Variants in ADGRL1 observed in about 807,000 individuals in gnomAD.
ADGRL1 encodes the protein adhesion G protein-coupled receptor L1.
In ADGRL1, 31 loss-of-function variants were observed where a neutral mutation model predicts 148.9. That is an observed-to-expected ratio of 0.21 (90% confidence interval 0.16 to 0.28). The LOEUF is 0.28. ADGRL1 is among the 10% of genes least tolerant of loss of function. The pLI, the probability that ADGRL1 is intolerant of heterozygous loss-of-function variation, is 1.00. For missense variants in ADGRL1, 1,521 were observed against 2,058.8 expected, an observed-to-expected ratio of 0.74 and a Z score of 5.05; for synonymous variants, 937 against 900.3, an observed-to-expected ratio of 1.04 and a Z score of -0.73.
chr19:14,152,370 G>A lies in ADGRL1; in HGVS notation c.3588C>T (p.Asn1196=). The A allele has an allele frequency of 1.2e-6, 2 of 1,602,452 alleles. No homozygotes were observed. The highest frequency in any genetic ancestry group is 4.5e-5 in the East Asian group (2 of 44,684). ...AGCCCACTGACTCGGCGATGAGGGT[G>A]TTGTAGGGACTGGTGCCCCCACGGG... ...LQPRGGTSPY[N]TLIAESVGFN... The change falls in exon 21 of 23, where the codon AAC becomes AAT. Residue 1196 remains asparagine, a synonymous_variant. Coordinates refer to ENST00000361434, the MANE Select transcript of ADGRL1 (RefSeq NM_014921.5). This position sits in a 1 kb window ranked among gnomAD's most constrained non-coding sequence, Gnocchi z 6.1.
intron 3 of ADGRL1, 43 bp from the exon 4 acceptor site, chr19:14,170,834 G>A (rs1006585788): frequency 3.4e-6 from 3 of 892,450 alleles, no homozygotes; most frequent in African/African-American, 1.6e-5. Context: ...ACACATAGAC[G>A]GGGTGGCGGG....
At chr19:14,201,327 G>C (rs1045917953) in intron 1 of ADGRL1, among the ~76,000 whole-genome samples, 27 of 143,488 alleles carry the variant, frequency 1.9e-4, no homozygotes, top group African/African-American at 6.7e-4. Flanking sequence ...CGGGGTGGGG[G>C]GGGGCAAGGT....
rs369430136 is a variant in ADGRL1 at position 14,170,462 on chromosome 19, C to T, written c.394+220G>A. 105 of 483,272 alleles carry T rather than the reference C, an allele frequency of 2.2e-4. 1 individual carries two copies. Among genetic ancestry groups the T allele is most frequent in the African/African-American group, 2.0e-3 (103 of 50,830 alleles). 29.9% of individuals were successfully genotyped at this position (483,272 alleles called of 1,614,324 possible). On this transcript the variant is annotated intron_variant, in intron 4 of 22. Coordinates refer to ENST00000361434, the MANE Select transcript of ADGRL1 (RefSeq NM_014921.5). Reference sequence around the variant, plus strand: ...GTAAGGAGAGCTGGAGAAGGTGTCCCCACAGGAGGGGACAGAGTCTGTGAG... The same window carrying T: ...GTAAGGAGAGCTGGAGAAGGTGTCCTCACAGGAGGGGACAGAGTCTGTGAG...
chr19:14,156,292 A>C, intron 16 of ADGRL1, 91 bp from the exon 17 acceptor site: 66 of 1,021,812 alleles, frequency 6.5e-5, no homozygotes, highest in Non-Finnish European at 8.8e-5. Context: ...GCGAAATCTC[A>C]GCTGTGGCCC....
At chr19:14,166,932 G>T in intron 4 of ADGRL1, 1 of 1,385,756 alleles carries the variant, frequency 7.2e-7, no homozygotes, top group Non-Finnish European at 1.0e-6. Flanking sequence ...AGAAGAAGGG[G>T]CCGGGGGAGG....
Position 14,160,258 on chromosome 19 carries a change from G to A in ADGRL1, c.1654C>T (p.Leu552=), listed in dbSNP as rs1404118374. ...GENAANIASE[L]ARHTRGSIYA... ...ATGGAGCCCCGGGTGTGTCGGGCCAGCTCGCTGGCGATGTTGGCCGCGTTC... is the reference window on the plus strand; with the variant it reads ...ATGGAGCCCCGGGTGTGTCGGGCCAACTCGCTGGCGATGTTGGCCGCGTTC... The change falls in exon 8 of 23, where the codon CTG becomes TTG. Residue 552 remains leucine, a synonymous_variant. Coordinates refer to ENST00000361434, the MANE Select transcript of ADGRL1 (RefSeq NM_014921.5). The surrounding 1 kb of genome is among the most constrained non-coding windows in gnomAD (Gnocchi z 5.9). The A allele has an allele frequency of 1.3e-6, 2 of 1,593,912 alleles. No homozygotes were observed. The highest frequency in any genetic ancestry group is 1.7e-5 in the Admixed American group (1 of 59,612).
chr19:14,163,134 CCTT>C lies in ADGRL1; in HGVS notation c.664_666del (p.Lys222del). 6.2e-7 allele frequency: 1 copy of C among 1,614,046 alleles called. No individual in the cohort carries two copies. The highest frequency in any genetic ancestry group is 8.5e-7 in the Non-Finnish European group (1 of 1,180,024). On this transcript the variant is annotated inframe_deletion, in exon 5 of 23. Coordinates refer to ENST00000361434, the MANE Select transcript of ADGRL1 (RefSeq NM_014921.5). The stretch of plus-strand genomic sequence containing the variant: ...TACTTGACGATGTTGCGCGTGCGCT[CCTT>C]GTTGTAGAAGACGGCACCATCGTAG...
chr19:14,191,385 G>A, intron 1 of ADGRL1: 1 of 456,678 alleles, frequency 2.2e-6, no homozygotes, highest in Non-Finnish European at 4.4e-6. Flanking sequence ...TACCTCAGAG[G>A]GCAGCTGTGC....
At chr19:14,165,631 G>A (rs531840922) in intron 4 of ADGRL1, among the ~76,000 whole-genome samples, 28 of 131,926 alleles carry the variant, frequency 2.1e-4, no homozygotes, top group African/African-American at 5.4e-4. Context: ...CAGTGGTGCC[G>A]CATCCAAACC....
At chr19:14,170,362 C>T in intron 4 of ADGRL1, 1 of 216,690 alleles carries the variant, frequency 4.6e-6, no homozygotes, top group Non-Finnish European at 9.3e-6. Flanking sequence ...GTGTGCCAGG[C>T]AGAGCACGGG....
Position 14,149,802 on chromosome 19 carries a change from C to G in ADGRL1, c.*1071G>C, listed in dbSNP as rs1967974687. 6.6e-6 allele frequency: 1 copy of G among 152,420 alleles called. No homozygotes were observed. Among genetic ancestry groups the G allele is most frequent in the African/African-American group, 2.4e-5 (1 of 41,380 alleles). 9.4% of individuals were successfully genotyped at this position (152,420 alleles called of 1,614,324 possible). On this transcript the variant is annotated 3_prime_UTR_variant, in exon 23 of 23. Transcript: ENST00000361434. ...CCCGCCCCGGCGGGGACTGGGGATG[C>G]ACGTACACGGAGAAGTCCTGGCTGC...
chr19:14,193,176 G>C (rs1293293346), intron 1 of ADGRL1, among the ~76,000 whole-genome samples: 1 of 151,742 alleles, frequency 6.6e-6, no homozygotes, highest in Non-Finnish European at 1.5e-5. Flanking sequence ...GCCTCAGCTT[G>C]GCAGGTGGTG....
intron 1 of ADGRL1, among the ~76,000 whole-genome samples, chr19:14,193,026 C>T (rs1174084202): frequency 6.6e-6 from 1 of 152,092 alleles, no homozygotes; most frequent in Non-Finnish European, 1.5e-5. Flanking sequence ...GGGGCGTCTG[C>T]CCTGTGACCT....
At position 14,161,437 on chromosome 19, in the gene ADGRL1, G is replaced by A; in HGVS notation, c.1385C>T (p.Pro462Leu). Residue 462 changes from proline (P) to leucine (L), a missense_variant, in exon 6 of 23, where the codon CCC becomes CTC. By Grantham distance (98) the Pro-to-Leu change is moderately conservative. Around this residue, in one of 8 missense-constraint regions of ADGRL1, gnomAD observed 270 missense variants for 320.4 expected, o/e 0.84. Transcript: ENST00000361434. The surrounding 1 kb of genome is among the most constrained non-coding windows in gnomAD (Gnocchi z 4.4). ...GGACACGTGTAGATTCGGGGCTGGG[G>A]GCCGCCGGGTGCTGGGGACTGGGGC... ...ATAPVPSTRRPPAPNLHVSPE... is the reference protein window; with the variant it reads ...ATAPVPSTRRLPAPNLHVSPE... 1 of 1,486,902 alleles carries A rather than the reference G, an allele frequency of 6.7e-7. No homozygotes were observed. The highest frequency in any genetic ancestry group is 1.5e-5 in the African/African-American group (1 of 66,908). 92.1% of individuals were successfully genotyped at this position (1,486,902 alleles called of 1,614,324 possible). A position where few individuals can be genotyped will look rare whatever the true frequency, so the allele number is the denominator to read the frequency against.
chr19:14,186,337 G>A (rs573215472), intron 1 of ADGRL1, among the ~76,000 whole-genome samples: 4 of 152,194 alleles, frequency 2.6e-5, no homozygotes, highest in Admixed American at 2.0e-4. Context: ...GGATTACTGC[G>A]TGAGGCCATC....
chr19:14,157,131 G>A lies in ADGRL1; in HGVS notation c.2760C>T (p.Ile920=). 1 of 1,614,078 alleles carries A rather than the reference G, an allele frequency of 6.2e-7. No homozygotes were observed. The highest frequency in any genetic ancestry group is 8.5e-7 in the Non-Finnish European group (1 of 1,180,012). ...DKTQYEIACP[I]FAGLLHYFFL... The stretch of plus-strand genomic sequence containing the variant: ...AGAAATAGTGCAGCAGGCCGGCGAA[G>A]ATGGGGCAGGCAATCTGCGGGGAGC... The change falls in exon 15 of 23, where the codon ATC becomes ATT. Residue 920 remains isoleucine (I), a synonymous_variant. Transcript: ENST00000361434. The surrounding 1 kb of genome is among the most constrained non-coding windows in gnomAD (Gnocchi z 7.5).
In ADGRL1 at chr19:14,159,479, C is replaced by T. The variant is rs984568735; in HGVS notation, c.1945G>A (p.Val649Ile). 6.2e-6 allele frequency: 10 copies of T among 1,613,230 alleles called. No individual in the cohort carries two copies. Among genetic ancestry groups the T allele is most frequent in the Non-Finnish European group, 8.5e-6 (10 of 1,179,800 alleles). Residue 649 changes from valine (V) to isoleucine (I), a missense_variant, in exon 10 of 23, where the codon GTC (valine) becomes ATC (isoleucine). This residue lies in a region of ADGRL1 where 265 missense variants were observed against 431.9 expected (regional missense o/e 0.61). Transcript: ENST00000361434. This position sits in a 1 kb window ranked among gnomAD's most constrained non-coding sequence, Gnocchi z 6.0. ...AGCAGGAAGGCGCCCTCCTCCAGGA[C>T]GTCGAGGAGCATGGTGGCCGTGTGC... ...QVHTATMLLDVLEEGAFLLAD... is the reference protein window; with the variant it reads ...QVHTATMLLDILEEGAFLLAD...
In ADGRL1 at chr19:14,183,625, G is replaced by A. The variant is rs140420644; in HGVS notation, c.-23C>T. On this transcript the variant is annotated 5_prime_UTR_variant, in exon 2 of 23. Transcript: ENST00000361434. ...CATGGTGGCAGCCGGGTGCGTGTCC[G>A]GAGCTCTCAGTGGCCTGTGCGGGGG... 3.3e-5 allele frequency: 52 copies of A among 1,556,488 alleles called. No homozygotes were observed. Among genetic ancestry groups the A allele is most frequent in the South Asian group, 9.5e-5 (8 of 84,476 alleles).
chr19:14,157,004 GGTAGTA>G lies in ADGRL1; in HGVS notation c.2881_2886del (p.Tyr961_Tyr962del). ...AGGGCCGGGAAGCAGTAGCCACCCA[GGTAGTA>G]GTACTTGGTGCGGGAATACTCGCTC... On this transcript the variant is annotated inframe_deletion, in exon 15 of 23. Coordinates refer to ENST00000361434, the MANE Select transcript of ADGRL1 (RefSeq NM_014921.5). This position sits in a 1 kb window ranked among gnomAD's most constrained non-coding sequence, Gnocchi z 7.5. 1 of 1,613,964 alleles carries G rather than the reference GGTAGTA, an allele frequency of 6.2e-7. No individual in the cohort carries two copies. The highest frequency in any genetic ancestry group is 8.5e-7 in the Non-Finnish European group (1 of 1,179,966).
Sources: gnomAD v4.1 joint callset for allele counts (sites outside exome capture counted in the v4.1 genomes callset) on GRCh38, gnomAD v4.1.1 for gene constraint, gnomAD v4.1.1 regional missense constraint, Gnocchi (gnomAD v3.1) non-coding constraint, MANE v1.5 for transcripts, NCBI Gene and HGNC (gene_info 2026-07-23, HGNC 2026-07-21) for gene names.